The following RBBP4 variants were observed in gnomAD, a reference collection of about 807,000 sequenced individuals.
RBBP4 encodes RB binding protein 4, chromatin remodeling factor.
In RBBP4, 3 loss-of-function variants were observed where a neutral mutation model predicts 57.2. The observed-to-expected ratio is 0.05, with a 90% CI of 0.02 to 0.14. The LOEUF is 0.14. RBBP4 is among the 10% of genes least tolerant of loss of function. RBBP4 has a pLI of 1.00. For missense variants in RBBP4, 107 were observed against 520.6 expected (o/e 0.21, Z 7.73); for synonymous variants, 151 against 171.5 (o/e 0.88, Z 0.93).
chr1:32,684,481 C>G lies in RBBP4; in HGVS notation c.*4776C>G. ...AACACTTTTTTGTTCATTGTTTAAT[C>G]TTGATAGCAGTATTGAGGCTGGTAT... is the stretch of plus-strand genomic sequence containing the variant. On this transcript the variant is annotated 3_prime_UTR_variant, in exon 12 of 12. Transcript: ENST00000373493. The G allele has an allele frequency of 1.3e-6, 2 of 1,544,284 alleles. No homozygotes were observed. Among genetic ancestry groups the G allele is most frequent in the Non-Finnish European group, 1.8e-6 (2 of 1,134,634 alleles).
In RBBP4 at chr1:32,657,948, G is replaced by A. The variant is rs796190002; in HGVS notation, c.310+376G>A. 2.6e-5 allele frequency among the ~76,000 whole-genome samples: 4 copies of A among 152,280 alleles called. No homozygotes were observed. The South Asian group carries it at 8.3e-4, about 32-fold the overall frequency. On this transcript the variant is annotated intron_variant, in intron 3 of 11. Transcript: ENST00000373493. ...TCTCACTGCAACCTCCGCCTCCCGG[G>A]TTCAAGCGATTCTTCTGCCTCATCC...
chr1:32,668,820 T>C lies in RBBP4; in HGVS notation c.566T>C (p.Leu189Pro). Reference protein sequence around the residue: ...EGYGLSWNPNLSGHLLSASDD... With the variant: ...EGYGLSWNPNPSGHLLSASDD... ...TATGGGCTTTCTTGGAACCCAAATC[T>C]CAGTGGGCACTTACTTAGTGCTTCA... The change falls in exon 5 of 12, where the codon CTC becomes CCC. Residue 189 changes from leucine (L) to proline (P), a missense_variant. This residue lies in a region of RBBP4 where 92 missense variants were observed against 408.5 expected (regional missense o/e 0.23). Coordinates refer to ENST00000373493, the MANE Select transcript of RBBP4 (RefSeq NM_005610.3). 6.2e-7 allele frequency: 1 copy of C among 1,614,220 alleles called. No individual in the cohort carries two copies. The highest frequency in any genetic ancestry group is 8.5e-7 in the Non-Finnish European group (1 of 1,180,042).
chr1:32,664,298 T>C (rs1291654714), intron 3 of RBBP4, among the ~76,000 whole-genome samples: 1 of 152,160 alleles, frequency 6.6e-6, no homozygotes, highest in African/African-American at 2.4e-5. Flanking sequence ...TGGTTTTCTT[T>C]ATGGTTTAGG....
At chr1:32,665,710 T>A (rs1194571071) in intron 3 of RBBP4, among the ~76,000 whole-genome samples, 9 of 147,150 alleles carry the variant, frequency 6.1e-5, no homozygotes. Context: ...TATATAGCAA[T>A]GCAATTGACA....
chr1:32,677,022 T>C (rs1174349281), intron 11 of RBBP4, among the ~76,000 whole-genome samples: 2 of 152,210 alleles, frequency 1.3e-5, no homozygotes, highest in South Asian at 2.1e-4. Flanking sequence ...GTTACTTTAT[T>C]TGGTGTTTTT....
At chr1:32,674,328 G>C (rs1649004389) in intron 11 of RBBP4, among the ~76,000 whole-genome samples, 1 of 152,052 alleles carries the variant, frequency 6.6e-6, no homozygotes, top group African/African-American at 2.4e-5. Context: ...CCAATTCCCG[G>C]GCTCAAGACA....
At chr1:32,670,629 A>G (rs777801660) in intron 8 of RBBP4, among the ~76,000 whole-genome samples, 10 of 151,836 alleles carry the variant, frequency 6.6e-5, no homozygotes, top group South Asian at 4.2e-4. Context: ...CTGGAGTGCA[A>G]TGGTGCAATC....
intron 8 of RBBP4, 94 bp from the exon 9 acceptor site, chr1:32,672,355 AT>A: frequency 1.0e-6 from 1 of 999,886 alleles, no homozygotes; most frequent in Admixed American, 2.7e-5. Flanking sequence ...CTTCCCTTTT[AT>A]TTACAAAATT....
chr1:32,671,774 T>TC, intron 8 of RBBP4, among the ~76,000 whole-genome samples: 1 of 151,154 alleles, frequency 6.6e-6, no homozygotes, highest in Middle Eastern at 3.4e-3. Flanking sequence ...ACACCTGTAA[T>TC]CCCAGCTACC....
At position 32,670,919 on chromosome 1, in the gene RBBP4, C is replaced by T. The variant is rs569233875; in HGVS notation, c.966+1356C>T. On this transcript the variant is annotated intron_variant, in intron 8 of 11. Transcript: ENST00000373493. Reference sequence around the variant, plus strand: ...TAGTCTCTTATTTTCTACTTTTCAGCCCACCTTGGTGAACATTTTATCCTT... The same window carrying T: ...TAGTCTCTTATTTTCTACTTTTCAGTCCACCTTGGTGAACATTTTATCCTT... Among the ~76,000 whole-genome samples, 5 of 152,304 alleles carry T rather than the reference C, an allele frequency of 3.3e-5. No homozygotes were observed. In the South Asian group the frequency reaches 1.0e-3, roughly 32 times the overall value.
chr1:32,658,494 T>C (rs1648242266), intron 3 of RBBP4, among the ~76,000 whole-genome samples: 1 of 152,052 alleles, frequency 6.6e-6, no homozygotes, highest in Admixed American at 6.6e-5. Flanking sequence ...AATTATATCC[T>C]GTTTTTAGGC....
chr1:32,660,628 T>C (rs112834358), intron 3 of RBBP4, among the ~76,000 whole-genome samples: 2 of 150,968 alleles, frequency 1.3e-5, no homozygotes, highest in African/African-American at 4.9e-5. Context: ...ACTATGTTGC[T>C]CAGGCTGATC....
rs1164225774 is a variant in RBBP4, at chr1:32,677,275, A to C, written c.1213-2365A>C. Among the ~76,000 whole-genome samples, 3 of 152,100 alleles carry C rather than the reference A, an allele frequency of 2.0e-5. 1 individual carries two copies. The South Asian group carries it at 6.2e-4, about 32-fold the overall frequency. On this transcript the variant is annotated intron_variant, in intron 11 of 11. Coordinates refer to ENST00000373493, the MANE Select transcript of RBBP4 (RefSeq NM_005610.3). ...TTTGAGGGTTAAAACTTGTCGGCCC[A>C]CTTGCCAACCTTGGGGTTGCAGGGC...
At chr1:32,664,568 T>G (rs575144892) in intron 3 of RBBP4, among the ~76,000 whole-genome samples, 3 of 152,218 alleles carry the variant, frequency 2.0e-5, no homozygotes, top group African/African-American at 7.2e-5. Flanking sequence ...TTCTCTTGCC[T>G]CAGTCTCCTG....
intron 11 of RBBP4, among the ~76,000 whole-genome samples, chr1:32,674,148 G>A (rs1570867708): frequency 6.6e-6 from 1 of 152,156 alleles, no homozygotes; most frequent in African/African-American, 2.4e-5. Flanking sequence ...TGGTGGTTAT[G>A]GTTAATGCAG....
chr1:32,665,461 T>G (rs1328871639), intron 3 of RBBP4, among the ~76,000 whole-genome samples: 2 of 152,112 alleles, frequency 1.3e-5, no homozygotes, highest in African/African-American at 4.8e-5. Context: ...GTAGATTATC[T>G]GATGTCAGGA....
At chr1:32,652,699 G>A (rs1647896261) in intron 2 of RBBP4, among the ~76,000 whole-genome samples, 2 of 151,958 alleles carry the variant, frequency 1.3e-5, no homozygotes. Flanking sequence ...CTGCCACCAC[G>A]CCTGGCTAAA....
chr1:32,682,132 T>C lies in RBBP4; in HGVS notation c.*2427T>C, dbSNP rs912593083. ...AGTTTCATTTCTTTGGATTAGTCGTTGTCTTTTCCAGATTGTACACAATCT... is the reference window on the plus strand; with the variant it reads ...AGTTTCATTTCTTTGGATTAGTCGTCGTCTTTTCCAGATTGTACACAATCT... On this transcript the variant is annotated 3_prime_UTR_variant, in exon 12 of 12. Coordinates refer to ENST00000373493, the MANE Select transcript of RBBP4 (RefSeq NM_005610.3). 14 of 442,566 alleles carry C rather than the reference T, an allele frequency of 3.2e-5. No individual in the cohort carries two copies. The highest frequency in any genetic ancestry group is 6.3e-4 in the Middle Eastern group (1 of 1,578). The allele number at this position is 442,566 out of a possible 1,614,324, so 27.4% of individuals were successfully genotyped here.
chr1:32,655,211 C>T (rs1648081555), intron 2 of RBBP4, among the ~76,000 whole-genome samples: 1 of 151,586 alleles, frequency 6.6e-6, no homozygotes, highest in African/African-American at 2.4e-5. Flanking sequence ...TTCTGGGCTC[C>T]AGTGATCCTC....
Sources: allele counts gnomAD v4.1 joint callset (sites outside exome capture counted in the v4.1 genomes callset), GRCh38; gene constraint gnomAD v4.1.1; regional missense constraint gnomAD v4.1.1; transcripts MANE v1.5; gene names NCBI Gene and HGNC (gene_info 2026-07-23, HGNC 2026-07-21).